The following SMU1 variants were observed in gnomAD, a reference collection of about 807,000 sequenced individuals.
The protein encoded by SMU1 is SMU1 DNA replication regulator and spliceosomal factor, also known as WD40 repeat-containing protein SMU1.
SMU1 carries 2 observed loss-of-function variants against 62.0 expected under a neutral mutation model. The observed-to-expected ratio is 0.03, with a 90% CI of 0.01 to 0.10. The LOEUF (loss-of-function observed/expected upper bound fraction) is 0.10. Ranked by LOEUF, SMU1 falls within the 10% of genes least tolerant of loss-of-function variation. The pLI, the probability that SMU1 is intolerant of heterozygous loss-of-function variation, is 1.00. For missense variants in SMU1, 227 were observed against 622.1 expected, an observed-to-expected ratio of 0.36 and a Z score of 6.76; for synonymous variants, 188 against 212.4, an observed-to-expected ratio of 0.89 and a Z score of 1.00.
intron 5 of SMU1, 23 bp downstream of exon 5, chr9:33,062,026 G>C (rs1466580864): frequency 1.2e-6 from 2 of 1,610,512 alleles, no homozygotes; most frequent in Non-Finnish European, 8.5e-7. Context: ...ATTACTGACT[G>C]GCTGAATGTC....
At chr9:33,050,524 C>T (rs1839231568) in intron 10 of SMU1, among the ~76,000 whole-genome samples, 2 of 130,312 alleles carry the variant, frequency 1.5e-5, no homozygotes. Context: ...TTATTAAGCA[C>T]TTAAAAAAAA....
At chr9:33,069,499 G>A (rs1217133326) in intron 3 of SMU1, among the ~76,000 whole-genome samples, 3 of 152,164 alleles carry the variant, frequency 2.0e-5, no homozygotes, top group Non-Finnish European at 4.4e-5. Flanking sequence ...CATCTGACAA[G>A]GGATTAATAA....
chr9:33,058,798 G>A lies in SMU1; in HGVS notation c.751-1084C>T, dbSNP rs570274280. Among the ~76,000 whole-genome samples, 78 of 152,098 alleles carry A rather than the reference G, an allele frequency of 5.1e-4. 2 individuals carry two copies. Among genetic ancestry groups the A allele is most frequent in the Non-Finnish European group, 8.4e-4 (57 of 67,978 alleles). ...AGGAAAAAAGATGAATAAATTTGAT[G>A]ATATAAAAAAATTTCAAGTCTGTAA... is the stretch of plus-strand genomic sequence containing the variant. On this transcript the variant is annotated intron_variant, in intron 6 of 11. Transcript: ENST00000397149.
chr9:33,048,404 T>C (rs1469772521), intron 10 of SMU1, 146 bp from the exon 11 acceptor site: 9 of 941,902 alleles, frequency 9.6e-6, no homozygotes, highest in Non-Finnish European at 1.6e-6. Flanking sequence ...CTGTTCATCA[T>C]GTGCTAACTC....
intron 1 of SMU1, among the ~76,000 whole-genome samples, chr9:33,075,831 G>A (rs1839539032): frequency 6.6e-6 from 1 of 152,200 alleles, no homozygotes; most frequent in Non-Finnish European, 1.5e-5. Context: ...GGCAAGGACA[G>A]GTGGAGGATG....
intron 1 of SMU1, 78 bp downstream of exon 1, chr9:33,076,505 C>G (rs149813932): frequency 3.8e-6 from 6 of 1,575,054 alleles, no homozygotes; most frequent in Admixed American, 1.7e-5. Context: ...CGGATGCCTT[C>G]TCCCGAGTAC....
At chr9:33,051,304 G>A (rs1839246295) in intron 10 of SMU1, among the ~76,000 whole-genome samples, 1 of 152,152 alleles carries the variant, frequency 6.6e-6, no homozygotes, top group African/African-American at 2.4e-5. Context: ...GTTGCCGGAA[G>A]TTAGTGGGGA....
intron 7 of SMU1, 147 bp from the exon 8 acceptor site, chr9:33,057,111 T>A: frequency 1.3e-6 from 1 of 755,468 alleles, no homozygotes; most frequent in Non-Finnish European, 2.1e-6. Flanking sequence ...TGATGTCTAG[T>A]TCACATAGTA....
intron 9 of SMU1, 70 bp downstream of exon 9, chr9:33,056,043 C>A: frequency 2.0e-6 from 3 of 1,472,630 alleles, no homozygotes; most frequent in South Asian, 1.3e-5. Context: ...CCCATTATCA[C>A]CACTGAAAAC....
In SMU1 at chr9:33,042,000, G is replaced by A. The variant is rs893726215; in HGVS notation, c.*5293C>T. 3 of 152,212 alleles carry A rather than the reference G, an allele frequency of 2.0e-5. No homozygotes were observed. The highest frequency in any genetic ancestry group is 1.3e-4 in the Admixed American group (2 of 15,272). 9.4% of individuals were successfully genotyped at this position (152,212 alleles called of 1,614,324 possible). On this transcript the variant is annotated 3_prime_UTR_variant, in exon 12 of 12. Coordinates refer to ENST00000397149, the MANE Select transcript of SMU1 (RefSeq NM_018225.3). Reference sequence around the variant, plus strand: ...CTTCTGTTTAGGGTGATGACATTTTGGAAATACAATAGTGGTTGCGTAACA... The same window carrying A: ...CTTCTGTTTAGGGTGATGACATTTTAGAAATACAATAGTGGTTGCGTAACA...
chr9:33,060,273 C>T (rs1284874301), intron 6 of SMU1, among the ~76,000 whole-genome samples, 192 bp downstream of exon 6: 2 of 152,208 alleles, frequency 1.3e-5, no homozygotes, highest in Non-Finnish European at 2.9e-5. Context: ...CCTGCCTCAG[C>T]CTCCTCAGTA....
intron 8 of SMU1, 92 bp downstream of exon 8, chr9:33,056,745 T>C (rs1002061585): frequency 6.6e-6 from 9 of 1,362,320 alleles, no homozygotes; most frequent in African/African-American, 2.9e-5. Flanking sequence ...GGTAAAAGCA[T>C]CATGGTAAAA....
chr9:33,058,517 A>G (rs1366902522), intron 6 of SMU1, among the ~76,000 whole-genome samples: 2 of 152,120 alleles, frequency 1.3e-5, no homozygotes, highest in African/African-American at 4.8e-5. Context: ...AGGTTTCATC[A>G]TGTTAGCCAG....
chr9:33,072,972 T>A (rs762556056), intron 2 of SMU1, among the ~76,000 whole-genome samples: 1 of 152,206 alleles, frequency 6.6e-6, no homozygotes, highest in Non-Finnish European at 1.5e-5. Flanking sequence ...CCTAGGTTCT[T>A]GGCTTGGAGC....
chr9:33,041,894 CT>C lies in SMU1; in HGVS notation c.*5398del, dbSNP rs11346837. 49,776 of 151,924 alleles carry C rather than the reference CT, an allele frequency of 0.33. 8,428 individuals are homozygous for C. Among genetic ancestry groups the C allele is most frequent in the Non-Finnish European group, 0.37 (25,076 of 67,962 alleles). The allele number at this position is 151,924 out of a possible 1,614,324, so 9.4% of individuals were successfully genotyped here. ...TATAATTTCACTTATATGAACTAAACTTAGACAAATGCATTGAGGCAGAAAC... is the reference window on the plus strand; with the variant it reads ...TATAATTTCACTTATATGAACTAAACTAGACAAATGCATTGAGGCAGAAAC... On this transcript the variant is annotated 3_prime_UTR_variant, in exon 12 of 12. Transcript: ENST00000397149.
intron 8 of SMU1, 109 bp downstream of exon 8, chr9:33,056,728 T>TCATCATGGTAAAAG (rs536101729): frequency 2.5e-6 from 3 of 1,215,188 alleles, no homozygotes; most frequent in East Asian, 2.4e-5. Flanking sequence ...CCATATCACA[T>TCATCATGGTAAAAG]CATCATGGTA....
Position 33,058,573 on chromosome 9 carries a change from T to C in SMU1, c.751-859A>G, listed in dbSNP as rs147802943. On this transcript the variant is annotated intron_variant, in intron 6 of 11. Transcript: ENST00000397149. ...TTCAAGTGACCTATCAACTTCAGCC[T>C]CCCAAAGTGCTGGGATTACAGGTAT... Among the ~76,000 whole-genome samples, 487 of 152,238 alleles carry C rather than the reference T, an allele frequency of 3.2e-3. 7 individuals are homozygous for C. The highest frequency in any genetic ancestry group is 0.011 in the African/African-American group (465 of 41,530).
In SMU1 at chr9:33,071,908, A is replaced by T; in HGVS notation, c.238-16T>A. 2 of 1,502,666 alleles carry T rather than the reference A, an allele frequency of 1.3e-6. No homozygotes were observed. Among genetic ancestry groups the T allele is most frequent in the Non-Finnish European group, 1.8e-6 (2 of 1,130,316 alleles). 93.1% of individuals were successfully genotyped at this position (1,502,666 alleles called of 1,614,324 possible). On this transcript the variant is annotated splice_polypyrimidine_tract_variant and intron_variant, in intron 2 of 11. Coordinates refer to ENST00000397149, the MANE Select transcript of SMU1 (RefSeq NM_018225.3). ...CCAGAACAACCTGGACAATTAAAAA[A>T]AAACAAAAAAAACCCCAGATGTTTC...
At chr9:33,056,307 A>C in intron 8 of SMU1, 68 bp from the exon 9 acceptor site, 1 of 1,444,030 alleles carries the variant, frequency 6.9e-7, no homozygotes, top group Non-Finnish European at 9.3e-7. Context: ...CCAACGATTG[A>C]ATGCATTTTA....
Sources: allele counts gnomAD v4.1 joint callset (sites outside exome capture counted in the v4.1 genomes callset), GRCh38; gene constraint gnomAD v4.1.1; transcripts MANE v1.5; gene names NCBI Gene and HGNC (gene_info 2026-07-23, HGNC 2026-07-21).